NDUFA5: variants seen among roughly 807,000 people sequenced by gnomAD.
NDUFA5 encodes the protein NADH dehydrogenase [ubiquinone] 1 alpha subcomplex subunit 5.
NDUFA5 carries 11 observed loss-of-function variants against 19.8 expected under a neutral mutation model. That is an observed-to-expected ratio of 0.56 (90% CI 0.35 to 0.92). NDUFA5 has a LOEUF of 0.92. Ranked by LOEUF, NDUFA5 falls within the 40% of genes least tolerant of loss-of-function variation. NDUFA5 has a pLI of 0.01. For synonymous variants in NDUFA5, 47 were observed against 46.8 expected (o/e 1.00, Z -0.01); for missense variants, 109 against 134.2 (o/e 0.81, Z 0.93).
intron 2 of NDUFA5, among the ~76,000 whole-genome samples, chr7:123,554,162 A>G (rs1358698893): frequency 6.6e-6 from 1 of 152,218 alleles, no homozygotes; most frequent in Non-Finnish European, 1.5e-5. Context: ...TACATACCAG[A>G]GTTGGAAAAT....
At chr7:123,582,533 G>T in the NDUFA5 span, among the ~76,000 whole-genome samples, 1 of 151,914 alleles carries the variant, frequency 6.6e-6, no homozygotes, top group South Asian at 2.1e-4. Context: ...ATTGTCTGTA[G>T]GTTCCTCAAT....
Position 123,537,862 on chromosome 7 carries a change from T to C in NDUFA5, c.*4257A>G, listed in dbSNP as rs150977590. Reference sequence around the variant, plus strand: ...AAATAGTTATCTTTAGAAAACCTAATAGATTCACCTAAAAAAAAATTGAAG... The same window carrying C: ...AAATAGTTATCTTTAGAAAACCTAACAGATTCACCTAAAAAAAAATTGAAG... On this transcript the variant is annotated 3_prime_UTR_variant, in exon 5 of 5. Transcript: ENST00000355749. The C allele has an allele frequency of 3.3e-5, 5 of 152,070 alleles. No individual in the cohort carries two copies. In the East Asian group the frequency reaches 9.7e-4, roughly 29 times the overall value. The allele number at this position is 152,070 out of a possible 1,614,324, so 9.4% of individuals were successfully genotyped here. A position where few individuals can be genotyped will look rare whatever the true frequency, so the allele number is the denominator to read the frequency against.
upstream of NDUFA5, among the ~76,000 whole-genome samples, chr7:123,560,485 C>T (rs542035721): frequency 3.9e-5 from 6 of 152,306 alleles, no homozygotes; most frequent in Middle Eastern, 3.4e-3. Flanking sequence ...AGCAAAGTTA[C>T]ATTATACGTG....
At chr7:123,549,869 G>C (rs1436985056) in intron 3 of NDUFA5, among the ~76,000 whole-genome samples, 3 of 152,092 alleles carry the variant, frequency 2.0e-5, no homozygotes, top group Non-Finnish European at 4.4e-5. Context: ...TATATAGTCT[G>C]GTAATCTAAT....
rs1797889666 is a variant in NDUFA5, at chr7:123,540,489, T to TTATTGAAAG, written c.*1629_*1630insCTTTCAATA. ...TGAAAAATAATGGTTGGCTAGAAAA[T>TTATTGAAAG]TACCTTGAAAGTACCCATGCAAACA... On this transcript the variant is annotated 3_prime_UTR_variant, in exon 5 of 5. Transcript: ENST00000355749. 6.6e-6 allele frequency: 1 copy of TTATTGAAAG among 152,120 alleles called. No individual in the cohort carries two copies. Among genetic ancestry groups the TTATTGAAAG allele is most frequent in the Non-Finnish European group, 1.5e-5 (1 of 68,022 alleles). 9.4% of individuals were successfully genotyped at this position (152,120 alleles called of 1,614,324 possible).
the NDUFA5 span, among the ~76,000 whole-genome samples, chr7:123,594,318 C>T: frequency 2.8e-3 from 433 of 152,188 alleles, 8 homozygotes; most frequent in Admixed American, 0.025. Flanking sequence ...GTTTTGTTCC[C>T]TTGCTGGCAA....
the NDUFA5 span, among the ~76,000 whole-genome samples, chr7:123,599,976 T>C: frequency 1.3e-5 from 2 of 152,294 alleles, no homozygotes; most frequent in Admixed American, 6.5e-5. Context: ...CCAGCTTTCA[T>C]AGAGGCAAAT....
the NDUFA5 span, among the ~76,000 whole-genome samples, chr7:123,597,978 TCTC>T: frequency 3.4e-5 from 5 of 149,170 alleles, no homozygotes; most frequent in African/African-American, 1.3e-4. Context: ...TCTCTGACCT[TCTC>T]CTCCACAGCC....
At chr7:123,576,367 A>G in the NDUFA5 span, among the ~76,000 whole-genome samples, 5 of 152,024 alleles carry the variant, frequency 3.3e-5, no homozygotes, top group South Asian at 8.3e-4. Context: ...ATTAATGGTA[A>G]AATATATGAT....
chr7:123,577,322 T>C, the NDUFA5 span, among the ~76,000 whole-genome samples: 1 of 152,188 alleles, frequency 6.6e-6, no homozygotes, highest in African/African-American at 2.4e-5. Flanking sequence ...TATTCGATAC[T>C]GAGAAGAACT....
the NDUFA5 span, among the ~76,000 whole-genome samples, chr7:123,584,082 G>A: frequency 4.6e-5 from 7 of 151,760 alleles, no homozygotes; most frequent in African/African-American, 1.5e-4. Context: ...CTAGCCACAC[G>A]GTTTTAAGTA....
At chr7:123,555,962 G>A (rs577328823) in intron 2 of NDUFA5, 25 of 152,352 alleles carry the variant, frequency 1.6e-4, no homozygotes, top group African/African-American at 6.0e-4. Flanking sequence ...GCATTGAGAG[G>A]CAGTTAAGAA....
At chr7:123,548,613 G>A (rs1161195766) in intron 3 of NDUFA5, among the ~76,000 whole-genome samples, 4 of 152,216 alleles carry the variant, frequency 2.6e-5, no homozygotes, top group Non-Finnish European at 5.9e-5. Flanking sequence ...TACTGCTTAA[G>A]TATAGAGTAT....
chr7:123,585,140 G>T, the NDUFA5 span: 3 of 151,774 alleles, frequency 2.0e-5, no homozygotes, highest in Non-Finnish European at 4.4e-5. Context: ...CCATGACTTT[G>T]TTATTCAGTT....
At chr7:123,565,777 G>A in the NDUFA5 span, among the ~76,000 whole-genome samples, 1 of 152,218 alleles carries the variant, frequency 6.6e-6, no homozygotes, top group East Asian at 1.9e-4. Flanking sequence ...AGCACTTTGG[G>A]AGGCCAAGGC....
chr7:123,588,004 T>C, the NDUFA5 span, among the ~76,000 whole-genome samples: 5 of 151,756 alleles, frequency 3.3e-5, no homozygotes, highest in Non-Finnish European at 7.4e-5. Flanking sequence ...TTCTTTCTTA[T>C]GGTGTCCTTG....
chr7:123,544,816 C>T (rs1207864889), intron 4 of NDUFA5, among the ~76,000 whole-genome samples: 2 of 134,344 alleles, frequency 1.5e-5, no homozygotes, highest in African/African-American at 2.7e-5. Context: ...CCCATAGATG[C>T]TTTAAAAAAC....
chr7:123,571,156 G>A, the NDUFA5 span, among the ~76,000 whole-genome samples: 1 of 152,176 alleles, frequency 6.6e-6, no homozygotes, highest in South Asian at 2.1e-4. Flanking sequence ...AAATACAATT[G>A]AGAAGCACCA....
the NDUFA5 span, among the ~76,000 whole-genome samples, chr7:123,585,715 T>G: frequency 1.2e-3 from 177 of 151,798 alleles, no homozygotes; most frequent in African/African-American, 4.1e-3. Flanking sequence ...TACTATAAAT[T>G]ATCATTAACT....
Sources: allele counts gnomAD v4.1 joint callset (sites outside exome capture counted in the v4.1 genomes callset), GRCh38; gene constraint gnomAD v4.1.1; transcripts MANE v1.5; gene names NCBI Gene and HGNC (gene_info 2026-07-23, HGNC 2026-07-21).